GALNT9: variants seen among roughly 807,000 people sequenced by gnomAD.
The protein encoded by GALNT9 is polypeptide N-acetylgalactosaminyltransferase 9, also known as GalNAc transferase 9.
Under a neutral mutation model 63.1 loss-of-function variants are expected in GALNT9, and 47 were observed. That is an observed-to-expected ratio of 0.75 (90% CI 0.59 to 0.95). The LOEUF (loss-of-function observed/expected upper bound fraction) is 0.95, where lower values mean the gene tolerates loss of function less well. GALNT9 is among the 40% of genes least tolerant of loss of function. The probability of loss-of-function intolerance (pLI) is 0.00; values close to 1 mark genes in which losing one functional copy is unlikely to be tolerated. For synonymous variants in GALNT9, 396 were observed against 365.7 expected (o/e 1.08, Z -0.94); for missense variants, 829 against 874.8 (o/e 0.95, Z 0.66).
chr12:132,257,671 CCT>C lies in GALNT9; in HGVS notation c.959+16_959+17del. On this transcript the variant is annotated intron_variant, in intron 5 of 10. Coordinates refer to ENST00000328957, the MANE Select transcript of GALNT9 (RefSeq NM_001122636.2). ...TTGCCGGGCAGGGCCGCCCTCGACCCCTGAGGGCGCAGCTCACCTGATGGGTG... is the reference window on the plus strand; with the variant it reads ...TTGCCGGGCAGGGCCGCCCTCGACCCGAGGGCGCAGCTCACCTGATGGGTG... 1 of 1,538,094 alleles carries C rather than the reference CCT, an allele frequency of 6.5e-7. No homozygotes were observed. The highest frequency in any genetic ancestry group is 8.8e-7 in the Non-Finnish European group (1 of 1,137,740).
rs1356626242 is a variant in GALNT9 at position 132,230,727 on chromosome 12, A to C, written c.1077+17183T>G. Among the ~76,000 whole-genome samples, 4 of 152,302 alleles carry C rather than the reference A, an allele frequency of 2.6e-5. No homozygotes were observed. The East Asian group carries it at 7.7e-4, about 29-fold the overall frequency. On this transcript the variant is annotated intron_variant, in intron 6 of 10. Coordinates refer to ENST00000328957, the MANE Select transcript of GALNT9 (RefSeq NM_001122636.2). ...TGGGACACGGCATATTTTGGCAGGG[A>C]GGGGCTGGCTGACGTGTGATAGCCA...
chr12:132,228,093 G>A (rs1371544252), intron 6 of GALNT9, among the ~76,000 whole-genome samples: 1 of 152,118 alleles, frequency 6.6e-6, no homozygotes, highest in Non-Finnish European at 1.5e-5. Flanking sequence ...GCCCCAGCAG[G>A]GGTGGCGGGG....
At chr12:132,251,008 G>T (rs1258656322) in intron 5 of GALNT9, among the ~76,000 whole-genome samples, 2 of 152,328 alleles carry the variant, frequency 1.3e-5, no homozygotes, top group African/African-American at 4.8e-5. Context: ...AATCCACGGA[G>T]AAGCTAAGAC....
chr12:132,225,592 C>G (rs1877639017), intron 6 of GALNT9, among the ~76,000 whole-genome samples: 1 of 146,656 alleles, frequency 6.8e-6, no homozygotes, highest in Non-Finnish European at 1.5e-5. Flanking sequence ...ACACCACATT[C>G]TATATATACA....
chr12:132,243,965 A>G lies in GALNT9; in HGVS notation c.1077+3945T>C, dbSNP rs2136906116. Among the ~76,000 whole-genome samples, 4 of 152,182 alleles carry G rather than the reference A, an allele frequency of 2.6e-5. No homozygotes were observed. In the South Asian group the frequency reaches 8.3e-4, roughly 32 times the overall value. ...GAAAGTTCACCCTACTGGGCTCAAC[A>G]GTAAAGATGTTAATGAAGGGAAGCT... On this transcript the variant is annotated intron_variant, in intron 6 of 10. Coordinates refer to ENST00000328957, the MANE Select transcript of GALNT9 (RefSeq NM_001122636.2).
At chr12:132,301,711 C>T (rs896360436) in intron 1 of GALNT9, among the ~76,000 whole-genome samples, 1 of 152,272 alleles carries the variant, frequency 6.6e-6, no homozygotes, top group Non-Finnish European at 1.5e-5. Flanking sequence ...AGGCCAAGCC[C>T]TCCCTGGCAA....
chr12:132,213,715 G>C (rs1877066504), intron 6 of GALNT9, among the ~76,000 whole-genome samples: 1 of 152,256 alleles, frequency 6.6e-6, no homozygotes, highest in African/African-American at 2.4e-5. Context: ...GTCCGAGGAG[G>C]GGTGTTCAGG....
Position 132,262,628 on chromosome 12 carries a change from G to C in GALNT9, c.420-3C>G, listed in dbSNP as rs1313660288. 4 of 1,542,950 alleles carry C rather than the reference G, an allele frequency of 2.6e-6. No individual in the cohort carries two copies. Among genetic ancestry groups the C allele is most frequent in the Non-Finnish European group, 3.5e-6 (4 of 1,143,162 alleles). On this transcript the variant is annotated splice_region_variant and splice_polypyrimidine_tract_variant and intron_variant, in intron 2 of 10. Coordinates refer to ENST00000328957, the MANE Select transcript of GALNT9 (RefSeq NM_001122636.2). ...GGGCGTAGCTCATCTGTCTGCACCT[G>C]CAGGAAACACGGTTTGGGGTGCGGT...
At chr12:132,251,849 CTG>C (rs1257814113) in intron 5 of GALNT9, among the ~76,000 whole-genome samples, 1 of 152,214 alleles carries the variant, frequency 6.6e-6, no homozygotes, top group Non-Finnish European at 1.5e-5. Context: ...CACCCACAGC[CTG>C]GGGGCCCCAC....
chr12:132,198,304 C>T (rs1465510064), intron 9 of GALNT9, among the ~76,000 whole-genome samples: 1 of 152,248 alleles, frequency 6.6e-6, no homozygotes, highest in Non-Finnish European at 1.5e-5. Flanking sequence ...GGGCAACATG[C>T]AGTGCCGTGT....
intron 6 of GALNT9, among the ~76,000 whole-genome samples, chr12:132,216,234 A>G (rs1365660583): frequency 6.6e-6 from 1 of 152,234 alleles, no homozygotes; most frequent in Non-Finnish European, 1.5e-5. Context: ...GGAACAGATT[A>G]TAGAGAAGAC....
At chr12:132,207,978 CTT>C (rs1263654266) in intron 6 of GALNT9, among the ~76,000 whole-genome samples, 3 of 152,174 alleles carry the variant, frequency 2.0e-5, no homozygotes, top group Non-Finnish European at 4.4e-5. Flanking sequence ...GGGCAGGTCT[CTT>C]TTCTGCGTCA....
At chr12:132,308,222 C>T (rs149166376) in intron 1 of GALNT9, among the ~76,000 whole-genome samples, 274 of 152,316 alleles carry the variant, frequency 1.8e-3, no homozygotes, top group African/African-American at 6.4e-3. Flanking sequence ...GGAGGCTGCA[C>T]AGCCCTGCCC....
chr12:132,214,006 AC>A (rs1262033288), intron 6 of GALNT9, among the ~76,000 whole-genome samples: 1 of 151,302 alleles, frequency 6.6e-6, no homozygotes, highest in Non-Finnish European at 1.5e-5. Context: ...GTCCTCAACC[AC>A]CCCCGCTCCC....
intron 6 of GALNT9, among the ~76,000 whole-genome samples, chr12:132,221,687 G>A (rs1204202767): frequency 7.9e-6 from 1 of 126,406 alleles, no homozygotes; most frequent in Non-Finnish European, 1.6e-5. Context: ...AAGCAAGCAA[G>A]CCTGAGATGG....
Position 132,225,024 on chromosome 12 carries a change from ACACCACAT to A in GALNT9, c.1078-21342_1078-21335del, listed in dbSNP as rs1593071735. Among the ~76,000 whole-genome samples, 406 of 90,800 alleles carry A rather than the reference ACACCACAT, an allele frequency of 4.5e-3. 13 individuals are homozygous for A. In the East Asian group the frequency reaches 0.072, roughly 16 times the overall value. 59.6% of individuals were successfully genotyped at this position (90,800 alleles called of 152,430 possible). On this transcript the variant is annotated intron_variant, in intron 6 of 10. Coordinates refer to ENST00000328957, the MANE Select transcript of GALNT9 (RefSeq NM_001122636.2). ...TACACTATACGTACACCCCCCCCAC[ACACCACAT>A]AACCCACACCCCACACACTACATAC...
At chr12:132,271,474 CAATG>C (rs1879863875) in intron 2 of GALNT9, among the ~76,000 whole-genome samples, 1 of 152,186 alleles carries the variant, frequency 6.6e-6, no homozygotes, top group African/African-American at 2.4e-5. Context: ...CTCTTTAAAA[CAATG>C]AAGCCAGGAC....
intron 9 of GALNT9, among the ~76,000 whole-genome samples, chr12:132,198,401 G>T (rs933227601): frequency 6.7e-6 from 1 of 148,770 alleles, no homozygotes; most frequent in African/African-American, 2.5e-5. Flanking sequence ...CTTCACTACG[G>T]CCAGCCCCTG....
At chr12:132,198,654 C>T (rs908084549) in intron 9 of GALNT9, among the ~76,000 whole-genome samples, 2 of 152,134 alleles carry the variant, frequency 1.3e-5, no homozygotes, top group Non-Finnish European at 2.9e-5. Flanking sequence ...CCCCAAAGGC[C>T]TGGTTCCTTT....
Sources: allele counts gnomAD v4.1 joint callset (sites outside exome capture counted in the v4.1 genomes callset), GRCh38; gene constraint gnomAD v4.1.1; transcripts MANE v1.5; gene names NCBI Gene and HGNC (gene_info 2026-07-23, HGNC 2026-07-21).